The following CFAP95 variants were observed in gnomAD, a reference collection of about 807,000 sequenced individuals.
The protein encoded by CFAP95 is cilia and flagella associated protein 95, also known as cilia- and flagella-associated protein 95.
At chr9:69,830,739 T>C in the CFAP95 span, among the ~76,000 whole-genome samples, 1 of 152,200 alleles carries the variant, frequency 6.6e-6, no homozygotes, top group Non-Finnish European at 1.5e-5. Flanking sequence ...CTTCAAACGT[T>C]TGGGCTCAAG....
chr9:69,890,651 A>G, the CFAP95 span, among the ~76,000 whole-genome samples: 163 of 152,384 alleles, frequency 1.1e-3, no homozygotes, highest in African/African-American at 3.6e-3. Flanking sequence ...TGCCATGAAC[A>G]CAGTTCACCA....
chr9:69,896,758 C>T, the CFAP95 span, among the ~76,000 whole-genome samples: 1 of 152,056 alleles, frequency 6.6e-6, no homozygotes, highest in Non-Finnish European at 1.5e-5. Context: ...TGCGGTGGCT[C>T]ACACCTGTCA....
the CFAP95 span, among the ~76,000 whole-genome samples, chr9:69,843,742 G>T: frequency 8.0e-5 from 12 of 150,148 alleles, no homozygotes; most frequent in African/African-American, 3.0e-4. Flanking sequence ...CCTCCCTGAG[G>T]TGATCCTCCT....
At chr9:69,828,220 T>G in the CFAP95 span, among the ~76,000 whole-genome samples, 1 of 152,208 alleles carries the variant, frequency 6.6e-6, no homozygotes, top group Non-Finnish European at 1.5e-5. Context: ...AGATTTCTGG[T>G]GAAACAGTCC....
the CFAP95 span, among the ~76,000 whole-genome samples, chr9:69,894,740 C>T: frequency 6.6e-6 from 1 of 152,126 alleles, no homozygotes; most frequent in South Asian, 2.1e-4. Context: ...ATACTCCAAC[C>T]TTTGTAGGCC....
the CFAP95 span, among the ~76,000 whole-genome samples, chr9:69,832,530 A>AT: frequency 2.0e-5 from 3 of 146,964 alleles, no homozygotes; most frequent in South Asian, 2.2e-4. Context: ...ACAAATATGA[A>AT]TTTTTTTTCC....
chr9:69,824,023 G>A, the CFAP95 span, among the ~76,000 whole-genome samples: 1 of 152,190 alleles, frequency 6.6e-6, no homozygotes, highest in Non-Finnish European at 1.5e-5. Context: ...TTTGGGCTCA[G>A]AGGCCTGACA....
the CFAP95 span, chr9:69,844,731 G>A: frequency 1.4e-6 from 1 of 704,260 alleles, no homozygotes; most frequent in South Asian, 2.3e-5. Context: ...CTCGTTAACT[G>A]TGTTAGTTAC....
the CFAP95 span, among the ~76,000 whole-genome samples, chr9:69,891,944 C>T: frequency 6.6e-6 from 1 of 152,070 alleles, no homozygotes; most frequent in East Asian, 1.9e-4. Context: ...GACCAATTTT[C>T]TGTATAACAG....
At chr9:69,903,560 G>C in the CFAP95 span, among the ~76,000 whole-genome samples, 1 of 152,182 alleles carries the variant, frequency 6.6e-6, no homozygotes, top group African/African-American at 2.4e-5. Flanking sequence ...CTTGAAGTTA[G>C]CCTTAGTGGG....
the CFAP95 span, among the ~76,000 whole-genome samples, chr9:69,840,029 G>C: frequency 6.7e-6 from 1 of 150,278 alleles, no homozygotes; most frequent in Non-Finnish European, 1.5e-5. Flanking sequence ...GTGAGCTGAC[G>C]TCATACCATT....
chr9:69,861,218 A>C, the CFAP95 span, among the ~76,000 whole-genome samples: 1 of 152,222 alleles, frequency 6.6e-6, no homozygotes, highest in Non-Finnish European at 1.5e-5. Flanking sequence ...GAAATTTTTC[A>C]GTTCCATTAT....
At chr9:69,901,041 G>A in the CFAP95 span, among the ~76,000 whole-genome samples, 1 of 151,836 alleles carries the variant, frequency 6.6e-6, no homozygotes, top group Non-Finnish European at 1.5e-5. Flanking sequence ...ACAGGCCCCT[G>A]GTGTGTGATG....
chr9:69,869,790 C>T, the CFAP95 span, among the ~76,000 whole-genome samples: 1 of 151,432 alleles, frequency 6.6e-6, no homozygotes, highest in East Asian at 1.9e-4. Flanking sequence ...AATATCAGGG[C>T]TGTGGAATTT....
chr9:69,870,025 A>C, the CFAP95 span, among the ~76,000 whole-genome samples: 2 of 152,214 alleles, frequency 1.3e-5, no homozygotes, highest in Non-Finnish European at 2.9e-5. Flanking sequence ...CCAGAATTTC[A>C]GAAGTCTTTG....
chr9:69,844,439 G>T, the CFAP95 span: 1 of 820,166 alleles, frequency 1.2e-6, no homozygotes, highest in Non-Finnish European at 1.9e-6. Flanking sequence ...AATTTTCATT[G>T]GATAATTTTT....
the CFAP95 span, among the ~76,000 whole-genome samples, chr9:69,839,925 A>C: frequency 6.6e-6 from 1 of 151,118 alleles, no homozygotes; most frequent in Non-Finnish European, 1.5e-5. Flanking sequence ...AAAATACAGA[A>C]AATTAGCTGG....
At chr9:69,855,923 A>T in the CFAP95 span, among the ~76,000 whole-genome samples, 1 of 152,068 alleles carries the variant, frequency 6.6e-6, no homozygotes, top group Non-Finnish European at 1.5e-5. Context: ...AAAGTAATGG[A>T]TTTTCTTGGT....
At chr9:69,872,312 G>T in the CFAP95 span, among the ~76,000 whole-genome samples, 5 of 152,098 alleles carry the variant, frequency 3.3e-5, no homozygotes, top group African/African-American at 1.2e-4. Flanking sequence ...ATCACTCAAG[G>T]TCATTTGGGT....
Sources: gnomAD v4.1 joint callset for allele counts (sites outside exome capture counted in the v4.1 genomes callset) on GRCh38, gnomAD v4.1.1 for gene constraint, MANE v1.5 for transcripts, NCBI Gene and HGNC (gene_info 2026-07-23, HGNC 2026-07-21) for gene names.